Variants in KALRN observed in about 807,000 individuals in gnomAD.
The protein encoded by KALRN is kalirin.
In KALRN, 70 loss-of-function variants were observed where a neutral mutation model predicts 353.7. The ratio of observed to expected loss-of-function variants is 0.20; its 90% CI spans 0.16 to 0.24. The LOEUF (loss-of-function observed/expected upper bound fraction) is 0.24. KALRN is among the 10% of genes least tolerant of loss of function. KALRN has a pLI of 1.00. For synonymous variants in KALRN, 1,391 were observed against 1,434.8 expected (o/e 0.97, Z 0.69); for missense variants, 2,791 against 3,756.7 (o/e 0.74, Z 6.72).
chr3:124,044,875 T>G (rs1297867589), intron 1 of KALRN, among the ~76,000 whole-genome samples: 1 of 24,878 alleles, frequency 4.0e-5, no homozygotes, highest in Non-Finnish European at 1.1e-4. Flanking sequence ...CCTTCCTTCC[T>G]TCCTTCCTTC....
Position 124,720,292 on chromosome 3 carries a change from A to G in KALRN, c.*822A>G, listed in dbSNP as rs987079882. The G allele has an allele frequency of 3.3e-5, 5 of 152,652 alleles. No individual in the cohort carries two copies. The highest frequency in any genetic ancestry group is 9.6e-5 in the African/African-American group (4 of 41,470). 9.5% of individuals were successfully genotyped at this position (152,652 alleles called of 1,614,324 possible). A position where few individuals can be genotyped will look rare whatever the true frequency, so the allele number is the denominator to read the frequency against. ...CAGCTCAGAATTATTCTGGAAAGAA[A>G]GCCTGCCAGGAAATAAATTCAAATA... On this transcript the variant is annotated 3_prime_UTR_variant, in exon 60 of 60. Transcript: ENST00000682506.
chr3:124,657,876 A>G (rs2084274655), intron 41 of KALRN, 73 bp downstream of exon 41: 2 of 1,128,270 alleles, frequency 1.8e-6, no homozygotes, highest in Admixed American at 3.5e-5. Context: ...AATCCTGGCC[A>G]GGCACAGTGG....
At chr3:124,499,329 T>G (rs187366455) in intron 33 of KALRN, among the ~76,000 whole-genome samples, 1 of 152,350 alleles carries the variant, frequency 6.6e-6, no homozygotes, top group East Asian at 1.9e-4. Flanking sequence ...TTGCATAGGT[T>G]ACTGCACCTT....
At chr3:124,250,247 A>G (rs2070938438) in intron 3 of KALRN, among the ~76,000 whole-genome samples, 1 of 152,234 alleles carries the variant, frequency 6.6e-6, no homozygotes, top group Non-Finnish European at 1.5e-5. Flanking sequence ...TGGAGGAAAC[A>G]TGTGGTTTAT....
At chr3:124,631,326 C>G (rs1235529285) in intron 34 of KALRN, among the ~76,000 whole-genome samples, 1 of 152,176 alleles carries the variant, frequency 6.6e-6, no homozygotes, top group African/African-American at 2.4e-5. Context: ...CTCCCCTGAG[C>G]TCCAGACTTG....
At chr3:124,516,082 C>A (rs1255385839) in intron 33 of KALRN, among the ~76,000 whole-genome samples, 1 of 152,174 alleles carries the variant, frequency 6.6e-6, no homozygotes, top group African/African-American at 2.4e-5. Flanking sequence ...AAGAAATTTT[C>A]TTTAACCCCC....
chr3:124,632,757 C>G (rs912502567), intron 35 of KALRN, 54 bp downstream of exon 35: 4 of 1,540,224 alleles, frequency 2.6e-6, no homozygotes, highest in Admixed American at 3.5e-5. Context: ...TGACATGTCT[C>G]CTTCCTCAGG....
At chr3:124,662,145 A>G (rs3772779) in intron 45 of KALRN, among the ~76,000 whole-genome samples, 20,319 of 150,102 alleles carry the variant, frequency 0.14, 1,570 homozygotes, top group African/African-American at 0.2. Flanking sequence ...CAGAGCATTT[A>G]GCCAAACCAA....
intron 7 of KALRN, among the ~76,000 whole-genome samples, chr3:124,327,450 C>A (rs2080036814): frequency 6.6e-6 from 1 of 152,108 alleles, no homozygotes; most frequent in Non-Finnish European, 1.5e-5. Flanking sequence ...CAAAAGCATC[C>A]TGTGAGAATC....
At position 124,139,739 on chromosome 3, in the gene KALRN, T is replaced by C. The variant is rs376431755; in HGVS notation, c.74-88251T>C. On this transcript the variant is annotated intron_variant, in intron 1 of 59. Transcript: ENST00000682506. Reference sequence around the variant, plus strand: ...GAGAGTGAGATAGAACTGTGGGGGATTGGATGTGAGGAGATCATGGTCATC... The same window carrying C: ...GAGAGTGAGATAGAACTGTGGGGGACTGGATGTGAGGAGATCATGGTCATC... 4.6e-5 allele frequency among the ~76,000 whole-genome samples: 7 copies of C among 152,100 alleles called. No individual in the cohort carries two copies. The South Asian group carries it at 6.2e-4, about 14-fold the overall frequency.
At chr3:124,133,381 A>G (rs2065540796) in intron 1 of KALRN, among the ~76,000 whole-genome samples, 1 of 152,194 alleles carries the variant, frequency 6.6e-6, no homozygotes, top group African/African-American at 2.4e-5. Context: ...TAAGTAATGA[A>G]ACAGTTTGCT....
chr3:124,349,787 A>G (rs2082658060), intron 10 of KALRN, among the ~76,000 whole-genome samples: 1 of 152,372 alleles, frequency 6.6e-6, no homozygotes, highest in South Asian at 2.1e-4. Flanking sequence ...TTGCCAATGT[A>G]ATAGACACAG....
chr3:124,415,127 C>T (rs2092423894), intron 14 of KALRN, among the ~76,000 whole-genome samples: 1 of 152,198 alleles, frequency 6.6e-6, no homozygotes. Flanking sequence ...CAGCTGAAAC[C>T]CAGGCCTATT....
At chr3:124,696,960 G>T (rs750347958) in intron 54 of KALRN, among the ~76,000 whole-genome samples, 1 of 151,912 alleles carries the variant, frequency 6.6e-6, no homozygotes, top group African/African-American at 2.4e-5. Context: ...TTGCTCTGTC[G>T]CTCAGGCTGG....
intron 5 of KALRN, among the ~76,000 whole-genome samples, chr3:124,276,786 T>C (rs1164103644): frequency 2.6e-4 from 40 of 152,142 alleles, no homozygotes; most frequent in Non-Finnish European, 1.5e-5. Context: ...CATCCAAGTC[T>C]CCCATGTACT....
chr3:124,089,515 T>A (rs754849352), intron 1 of KALRN, among the ~76,000 whole-genome samples: 8 of 152,122 alleles, frequency 5.3e-5, no homozygotes, highest in Non-Finnish European at 7.4e-5. Context: ...GAAATGGCTC[T>A]TGGTGGAAAT....
At chr3:124,502,106 C>T (rs959935475) in intron 33 of KALRN, among the ~76,000 whole-genome samples, 1 of 152,130 alleles carries the variant, frequency 6.6e-6, no homozygotes, top group African/African-American at 2.4e-5. Context: ...CTTAAATGGG[C>T]TCACAAATAG....
At chr3:124,166,520 G>GT (rs2070874710) in intron 1 of KALRN, among the ~76,000 whole-genome samples, 1 of 152,078 alleles carries the variant, frequency 6.6e-6, no homozygotes, top group African/African-American at 2.4e-5. Flanking sequence ...AAGTAAATAT[G>GT]TTTTTTCTTT....
intron 3 of KALRN, among the ~76,000 whole-genome samples, chr3:124,238,605 T>A (rs753548139): frequency 2.0e-5 from 3 of 152,200 alleles, no homozygotes; most frequent in Non-Finnish European, 4.4e-5. Context: ...CCAATATGCA[T>A]CTAAGTGCTC....
Sources: allele counts gnomAD v4.1 joint callset (sites outside exome capture counted in the v4.1 genomes callset), GRCh38; gene constraint gnomAD v4.1.1; transcripts MANE v1.5; gene names NCBI Gene and HGNC (gene_info 2026-07-23, HGNC 2026-07-21).